Variants in MACROD2 observed in about 807,000 individuals in gnomAD.
MACROD2 encodes ADP-ribose glycohydrolase MACROD2.
A neutral mutation model predicts 70.4 loss-of-function variants in MACROD2; 36 were observed. The observed-to-expected ratio is 0.51, with a 90% CI of 0.39 to 0.68. MACROD2 has a LOEUF of 0.68. Ranked by LOEUF, MACROD2 falls within the 30% of genes least tolerant of loss-of-function variation. The pLI is 0.00. For missense variants in MACROD2, 496 were observed against 538.4 expected (o/e 0.92, Z 0.78); for synonymous variants, 172 against 178.8 (o/e 0.96, Z 0.30).
intron 3 of MACROD2, among the ~76,000 whole-genome samples, chr20:14,347,707 G>T (rs538002551): frequency 1.3e-5 from 2 of 152,184 alleles, no homozygotes; most frequent in South Asian, 4.2e-4. Context: ...CAATTCCTTG[G>T]CTAAGAAAGG....
chr20:14,200,764 G>A (rs367584334), intron 3 of MACROD2, among the ~76,000 whole-genome samples: 1 of 152,100 alleles, frequency 6.6e-6, no homozygotes, highest in African/African-American at 2.4e-5. Flanking sequence ...CTTTGCTAAT[G>A]TGACAGCTAA....
chr20:14,228,782 G>A (rs2081770299), intron 3 of MACROD2, among the ~76,000 whole-genome samples: 1 of 152,026 alleles, frequency 6.6e-6, no homozygotes, highest in Admixed American at 6.6e-5. Context: ...CCAACGGGTG[G>A]TTTACTTGAG....
chr20:14,199,688 T>A (rs2081462968), intron 3 of MACROD2, among the ~76,000 whole-genome samples: 1 of 152,224 alleles, frequency 6.6e-6, no homozygotes, highest in African/African-American at 2.4e-5. Context: ...GCCATTTCCA[T>A]GTTCTTAATT....
chr20:15,588,803 A>G (rs2146663640), intron 8 of MACROD2, among the ~76,000 whole-genome samples: 1 of 152,278 alleles, frequency 6.6e-6, no homozygotes, highest in Non-Finnish European at 1.5e-5. Flanking sequence ...TCACTATCAG[A>G]ATTTTTGTCA....
chr20:15,427,038 G>C (rs186919660), intron 6 of MACROD2, among the ~76,000 whole-genome samples: 232 of 150,676 alleles, frequency 1.5e-3, no homozygotes, highest in Non-Finnish European at 2.5e-3. Context: ...CTCTCTCTCT[G>C]AGTAATAAAA....
chr20:14,377,413 A>G (rs2083382524), intron 3 of MACROD2, among the ~76,000 whole-genome samples: 2 of 152,208 alleles, frequency 1.3e-5, no homozygotes, highest in African/African-American at 4.8e-5. Flanking sequence ...ATATCCATGA[A>G]GATTTTTCAC....
intron 8 of MACROD2, among the ~76,000 whole-genome samples, chr20:15,755,009 C>T (rs1012295482): frequency 6.6e-6 from 1 of 152,032 alleles, no homozygotes; most frequent in African/African-American, 2.4e-5. Flanking sequence ...CAGGTGTGTA[C>T]CACCACAGCC....
chr20:15,058,693 C>T (rs11906792), intron 5 of MACROD2, among the ~76,000 whole-genome samples: 1,690 of 152,282 alleles, frequency 0.011, 43 homozygotes, highest in African/African-American at 0.038. Flanking sequence ...CACCTTTTCA[C>T]AAATATAACA....
intron 6 of MACROD2, among the ~76,000 whole-genome samples, chr20:15,317,959 A>C (rs1217945041): frequency 6.6e-6 from 1 of 152,124 alleles, no homozygotes; most frequent in Non-Finnish European, 1.5e-5. Context: ...AAAATTAGCC[A>C]TCAGAGATAT....
At chr20:15,773,891 C>A (rs1239829536) in intron 8 of MACROD2, among the ~76,000 whole-genome samples, 1 of 152,106 alleles carries the variant, frequency 6.6e-6, no homozygotes, top group Non-Finnish European at 1.5e-5. Context: ...GTCTTCATTT[C>A]ATTTCTTTTC....
chr20:14,215,167 T>C (rs1460379274), intron 3 of MACROD2, among the ~76,000 whole-genome samples: 1 of 150,732 alleles, frequency 6.6e-6, no homozygotes, highest in Non-Finnish European at 1.5e-5. Flanking sequence ...TTCCATCATA[T>C]ATATATTTTC....
intron 3 of MACROD2, among the ~76,000 whole-genome samples, chr20:14,167,177 C>G (rs1303870212): frequency 6.6e-6 from 1 of 151,990 alleles, no homozygotes; most frequent in African/African-American, 2.4e-5. Flanking sequence ...TTGTTTTGGA[C>G]TCTTCTCAGA....
chr20:14,508,346 C>T (rs567674292), intron 4 of MACROD2, among the ~76,000 whole-genome samples: 5 of 152,066 alleles, frequency 3.3e-5, no homozygotes, highest in Admixed American at 6.6e-5. Context: ...TCTTTTCTTT[C>T]GGCTCTAGGC....
chr20:15,951,639 A>G (rs533122632), intron 12 of MACROD2, among the ~76,000 whole-genome samples: 7 of 152,132 alleles, frequency 4.6e-5, no homozygotes, highest in Admixed American at 6.6e-5. Context: ...ATAAACATAT[A>G]TGTGTACTCA....
intron 4 of MACROD2, among the ~76,000 whole-genome samples, chr20:14,636,079 T>C (rs1984770060): frequency 6.6e-6 from 1 of 152,164 alleles, no homozygotes; most frequent in Admixed American, 6.5e-5. Context: ...TTATTTATCT[T>C]CATGTTTACT....
intron 9 of MACROD2, among the ~76,000 whole-genome samples, chr20:15,868,478 G>T (rs2064524705): frequency 2.0e-5 from 3 of 152,018 alleles, no homozygotes; most frequent in Admixed American, 1.3e-4. Context: ...CATTACATAG[G>T]TTTTATATAT....
At chr20:15,646,924 A>T (rs2049555945) in intron 8 of MACROD2, among the ~76,000 whole-genome samples, 2 of 152,234 alleles carry the variant, frequency 1.3e-5, no homozygotes, top group South Asian at 4.1e-4. Context: ...ACTAATACAC[A>T]CAGCACAGAC....
chr20:15,917,110 C>T (rs11905433), intron 10 of MACROD2, among the ~76,000 whole-genome samples: 2,485 of 152,204 alleles, frequency 0.016, 59 homozygotes, highest in African/African-American at 0.056. Context: ...AGGTGCTTGT[C>T]GTGTCCTTGG....
At chr20:14,880,712 A>G (rs531881492) in intron 5 of MACROD2, among the ~76,000 whole-genome samples, 1 of 152,330 alleles carries the variant, frequency 6.6e-6, no homozygotes, top group South Asian at 2.1e-4. Context: ...GAGGCCAAAA[A>G]TTAAAGTTGT....
Sources: allele counts gnomAD v4.1 joint callset (sites outside exome capture counted in the v4.1 genomes callset), GRCh38; gene constraint gnomAD v4.1.1; transcripts MANE v1.5; gene names NCBI Gene and HGNC (gene_info 2026-07-23, HGNC 2026-07-21).